Variants in RAB8B observed in about 807,000 individuals in gnomAD.
The protein encoded by RAB8B is RAB8B, member RAS oncogene family, also known as ras-related protein Rab-8B.
In RAB8B, 11 loss-of-function variants were observed where a neutral mutation model predicts 32.0. The observed-to-expected ratio is 0.34, with a 90% confidence interval of 0.22 to 0.57. The LOEUF is 0.57. RAB8B is among the 20% of genes least tolerant of loss of function. The probability of loss-of-function intolerance (pLI) is 0.86; values close to 1 mark genes in which losing one functional copy is unlikely to be tolerated. For synonymous variants in RAB8B, 103 were observed against 89.6 expected, an observed-to-expected ratio of 1.15 and a Z score of -0.85; for missense variants, 190 against 258.5, an observed-to-expected ratio of 0.73 and a Z score of 1.82.
intron 1 of RAB8B, among the ~76,000 whole-genome samples, chr15:63,225,430 A>G (rs975182397): frequency 4.6e-5 from 7 of 152,238 alleles, no homozygotes; most frequent in African/African-American, 1.7e-4. Flanking sequence ...TCTAAACAAC[A>G]TGAAAAGTTA....
rs536810601 is a variant in RAB8B, at chr15:63,217,347, T to A, written c.125-27409T>A. On this transcript the variant is annotated intron_variant, in intron 1 of 7. Coordinates refer to ENST00000321437, the MANE Select transcript of RAB8B (RefSeq NM_016530.3). ...AAATATTGAATGGAATATGGGGTTT[T>A]TCCATTGGAACTTTCTAATCATTTC... 1.4e-4 allele frequency among the ~76,000 whole-genome samples: 22 copies of A among 152,346 alleles called. 1 individual carries two copies. In the South Asian group the frequency reaches 3.9e-3, roughly 27 times the overall value.
intron 1 of RAB8B, among the ~76,000 whole-genome samples, chr15:63,210,424 CT>C (rs2037737372): frequency 6.6e-6 from 1 of 152,192 alleles, no homozygotes; most frequent in Admixed American, 6.5e-5. Context: ...CTTTGTCTAC[CT>C]CTACTCTCTC....
chr15:63,189,637 T>G lies in RAB8B; in HGVS notation c.13T>G (p.Tyr5Asp), dbSNP rs1487027644. MAKTYDYLFKLLLIG... is the reference protein window; with the variant it reads MAKTDDYLFKLLLIG... ...CCGGAGCGAGAAGATGGCGAAGACG[T>G]ACGATTATCTCTTCAAGCTCCTGCT... Residue 5 changes from tyrosine to aspartate, a missense_variant, in exon 1 of 8, where the codon TAC becomes GAC. Tyr to Asp is a radical substitution (Grantham distance 160). Coordinates refer to ENST00000321437, the MANE Select transcript of RAB8B (RefSeq NM_016530.3). 2 of 1,613,428 alleles carry G rather than the reference T, an allele frequency of 1.2e-6. No homozygotes were observed. The highest frequency in any genetic ancestry group is 1.7e-6 in the Non-Finnish European group (2 of 1,179,640).
chr15:63,257,827 G>A (rs995110335), intron 5 of RAB8B, among the ~76,000 whole-genome samples: 5 of 151,840 alleles, frequency 3.3e-5, no homozygotes, highest in South Asian at 2.1e-4. Flanking sequence ...TTGGGAGGCC[G>A]AGGTGGGTGG....
At chr15:63,221,552 A>G (rs2037844588) in intron 1 of RAB8B, among the ~76,000 whole-genome samples, 1 of 152,120 alleles carries the variant, frequency 6.6e-6, no homozygotes. Flanking sequence ...TTGCCAGCAT[A>G]TGACACTCCC....
At chr15:63,242,412 C>T (rs993704340) in intron 1 of RAB8B, among the ~76,000 whole-genome samples, 10 of 152,114 alleles carry the variant, frequency 6.6e-5, no homozygotes, top group Admixed American at 1.3e-4. Context: ...GGGTGGCTCA[C>T]GCCTATAATC....
chr15:63,251,828 G>A (rs950367325), intron 3 of RAB8B, among the ~76,000 whole-genome samples: 14 of 152,074 alleles, frequency 9.2e-5, no homozygotes, highest in African/African-American at 3.4e-4. Flanking sequence ...CTGACTCTTG[G>A]ATCTCTCAAG....
chr15:63,262,877 G>A, intron 7 of RAB8B, 135 bp downstream of exon 7: 1 of 286,620 alleles, frequency 3.5e-6, no homozygotes, highest in Non-Finnish European at 6.6e-6. Context: ...GTTGAACTCT[G>A]ATTCTTAGTT....
At chr15:63,193,144 G>A (rs913473250) in intron 1 of RAB8B, among the ~76,000 whole-genome samples, 5 of 152,040 alleles carry the variant, frequency 3.3e-5, no homozygotes, top group African/African-American at 4.8e-5. Context: ...GGAGGATAAC[G>A]TGAGCCCAGG....
At chr15:63,199,121 T>G (rs1295605013) in intron 1 of RAB8B, among the ~76,000 whole-genome samples, 1 of 152,232 alleles carries the variant, frequency 6.6e-6, no homozygotes, top group African/African-American at 2.4e-5. Flanking sequence ...ACCACTTTCT[T>G]GTTTCACTGT....
Position 63,210,821 on chromosome 15 carries a change from G to T in RAB8B, c.124+21073G>T, listed in dbSNP as rs769903179. Among the ~76,000 whole-genome samples, 14 of 152,162 alleles carry T rather than the reference G, an allele frequency of 9.2e-5. 1 individual carries two copies. Among genetic ancestry groups the T allele is most frequent in the Non-Finnish European group, 1.9e-4 (13 of 68,028 alleles). On this transcript the variant is annotated intron_variant, in intron 1 of 7. Transcript: ENST00000321437. ...GCTGTAGGCTGGTTTTTATTGAGTGGCTGGTATGCAAATAAAAGATGAGAA... is the reference window on the plus strand; with the variant it reads ...GCTGTAGGCTGGTTTTTATTGAGTGTCTGGTATGCAAATAAAAGATGAGAA...
At chr15:63,240,534 G>T (rs985107444) in intron 1 of RAB8B, among the ~76,000 whole-genome samples, 1 of 151,960 alleles carries the variant, frequency 6.6e-6, no homozygotes, top group African/African-American at 2.4e-5. Flanking sequence ...GCTTTTCAAT[G>T]AATTTTTACC....
chr15:63,255,799 G>A (rs2038154551), intron 4 of RAB8B, among the ~76,000 whole-genome samples: 1 of 152,204 alleles, frequency 6.6e-6, no homozygotes, highest in African/African-American at 2.4e-5. Context: ...TTTTAAGCTT[G>A]GGCCAGATAT....
intron 1 of RAB8B, among the ~76,000 whole-genome samples, chr15:63,229,903 T>G (rs2037922056): frequency 6.6e-6 from 1 of 151,060 alleles, no homozygotes; most frequent in Admixed American, 6.6e-5. Context: ...TGGCTACATA[T>G]ATAGATGAGT....
chr15:63,261,336 A>G (rs1047709292), intron 6 of RAB8B, among the ~76,000 whole-genome samples: 6 of 152,228 alleles, frequency 3.9e-5, no homozygotes, highest in Non-Finnish European at 7.3e-5. Context: ...AATGTAAATT[A>G]GTACAGCCAC....
At chr15:63,258,364 A>C (rs1261732259) in intron 5 of RAB8B, among the ~76,000 whole-genome samples, 2 of 152,140 alleles carry the variant, frequency 1.3e-5, no homozygotes, top group Non-Finnish European at 2.9e-5. Flanking sequence ...CGACCTCCCA[A>C]AGTGCTGGGA....
chr15:63,251,932 A>G (rs1375810936), intron 3 of RAB8B, among the ~76,000 whole-genome samples: 5 of 152,016 alleles, frequency 3.3e-5, no homozygotes, highest in African/African-American at 1.2e-4. Context: ...TGGCATGTTG[A>G]CAAGCACTAT....
At chr15:63,194,287 A>G (rs982677915) in intron 1 of RAB8B, among the ~76,000 whole-genome samples, 7 of 152,236 alleles carry the variant, frequency 4.6e-5, no homozygotes, top group Admixed American at 1.3e-4. Flanking sequence ...ATCCAAGTCT[A>G]TGTCACTTTT....
chr15:63,221,920 A>T (rs1311834337), intron 1 of RAB8B, among the ~76,000 whole-genome samples: 1 of 152,168 alleles, frequency 6.6e-6, no homozygotes, highest in Non-Finnish European at 1.5e-5. Context: ...ACAACCCCAA[A>T]ATCTCAGTTG....
Sources: gnomAD v4.1 joint callset for allele counts (sites outside exome capture counted in the v4.1 genomes callset) on GRCh38, gnomAD v4.1.1 for gene constraint, MANE v1.5 for transcripts, NCBI Gene and HGNC (gene_info 2026-07-23, HGNC 2026-07-21) for gene names.